Variants in VPS41 observed in about 807,000 individuals in gnomAD.
The protein encoded by VPS41 is vacuolar protein sorting-associated protein 41 homolog.
A neutral mutation model predicts 130.9 loss-of-function variants in VPS41; 85 were observed. The observed-to-expected ratio is 0.65, with a 90% CI of 0.55 to 0.78. VPS41 has a LOEUF of 0.78. Among genes scored for constraint, VPS41 ranks in the 30% least tolerant of loss-of-function variants. VPS41 has a pLI of 0.00. For synonymous variants in VPS41, 335 were observed against 332.9 expected (o/e 1.01, Z -0.07); for missense variants, 874 against 1,018.7 (o/e 0.86, Z 1.93).
At chr7:38,824,514 A>G (rs1785232751) in intron 5 of VPS41, among the ~76,000 whole-genome samples, 1 of 152,208 alleles carries the variant, frequency 6.6e-6, no homozygotes, top group Non-Finnish European at 1.5e-5. Flanking sequence ...AAAAATCATA[A>G]GCAGAAGAGT....
intron 2 of VPS41, among the ~76,000 whole-genome samples, chr7:38,896,631 G>A (rs1336986791): frequency 6.6e-6 from 1 of 152,120 alleles, no homozygotes. Context: ...GTGACCCGGG[G>A]AGCCAAAAGA....
At chr7:38,869,376 C>T (rs568034968) in intron 2 of VPS41, 123 bp from the exon 3 acceptor site, 119 of 633,578 alleles carry the variant, frequency 1.9e-4, no homozygotes, top group Non-Finnish European at 2.7e-4. Context: ...ATTCCAACTA[C>T]AGCTAAAGGT....
chr7:38,746,256 T>TA (rs11359151), intron 22 of VPS41, among the ~76,000 whole-genome samples: 3,264 of 146,046 alleles, frequency 0.022, 50 homozygotes, highest in South Asian at 0.052. Context: ...CCATTAGTCT[T>TA]AAAAAAAAAA....
In VPS41 at chr7:38,817,879, T is replaced by C. The variant is rs1362233239; in HGVS notation, c.388A>G (p.Ile130Val). The change falls in exon 7 of 29, where the codon ATT becomes GTT. Residue 130 changes from isoleucine (I) to valine (V), a missense_variant. By Grantham distance (29) the Ile-to-Val change is conservative (BLOSUM62 3). Coordinates refer to ENST00000310301, the MANE Select transcript of VPS41 (RefSeq NM_014396.4). ...HETFDCPIKI[I>V]AVHPHFVRSS... ...CTCACGAAATGTGGGTGCACAGCAATAATCTACAAGAGAAACAGAACCCAA... is the reference window on the plus strand; with the variant it reads ...CTCACGAAATGTGGGTGCACAGCAACAATCTACAAGAGAAACAGAACCCAA... The C allele has an allele frequency of 5.6e-6, 9 of 1,613,754 alleles. 2 individuals are homozygous for C. The South Asian group carries it at 9.9e-5, about 18-fold the overall frequency.
At chr7:38,796,659 A>T in intron 8 of VPS41, 86 bp downstream of exon 8, 1 of 1,595,646 alleles carries the variant, frequency 6.3e-7, no homozygotes, top group Non-Finnish European at 8.6e-7. Flanking sequence ...AGCAAGTGGC[A>T]TCTTTTCCCT....
rs1784604161 is a variant in VPS41, at chr7:38,795,609, AC to A, written c.572del (p.Gly191ValfsTer2). On this transcript the variant is annotated frameshift_variant and splice_region_variant, in exon 9 of 29. Coordinates refer to ENST00000310301, the MANE Select transcript of VPS41 (RefSeq NM_014396.4). LOFTEE classifies it high-confidence loss of function. ...GHLIAWANNM[G>X]VKIFDIISKQ... is the part of the protein sequence containing the mutation. ...TTGAGATGATGTCAAAAATCTTCAC[AC>A]CCTGGAAAATAATACAGCAGTAAGC... 6.2e-7 allele frequency: 1 copy of A among 1,610,422 alleles called. No individual in the cohort carries two copies.
intron 25 of VPS41, among the ~76,000 whole-genome samples, chr7:38,730,388 C>T (rs992797501): frequency 2.0e-5 from 3 of 152,124 alleles, no homozygotes; most frequent in African/African-American, 7.2e-5. Flanking sequence ...AGCCTTTTTC[C>T]CCTAATTATA....
intron 2 of VPS41, among the ~76,000 whole-genome samples, chr7:38,882,121 CCCA>C (rs1283006529): frequency 6.6e-6 from 1 of 152,032 alleles, no homozygotes; most frequent in Non-Finnish European, 1.5e-5. Context: ...CCAGTCAAGC[CCCA>C]CCACCACAAG....
At chr7:38,771,143 A>C in intron 14 of VPS41, 55 bp downstream of exon 14, 1 of 1,254,950 alleles carries the variant, frequency 8.0e-7, no homozygotes, top group African/African-American at 1.5e-5. Context: ...TTTCAGTCTC[A>C]CTATAACTTA....
chr7:38,813,518 G>A (rs1784983872), intron 7 of VPS41, among the ~76,000 whole-genome samples: 1 of 152,022 alleles, frequency 6.6e-6, no homozygotes, highest in Non-Finnish European at 1.5e-5. Flanking sequence ...TGAACCTCAT[G>A]GTATGCAAAT....
intron 5 of VPS41, among the ~76,000 whole-genome samples, chr7:38,824,628 T>G (rs997050992): frequency 4.6e-5 from 7 of 152,096 alleles, no homozygotes; most frequent in African/African-American, 7.2e-5. Context: ...TTACCTAAAG[T>G]GTAAGAAGAG....
chr7:38,870,659 A>G (rs976858438), intron 2 of VPS41, among the ~76,000 whole-genome samples: 9 of 151,280 alleles, frequency 5.9e-5, no homozygotes, highest in African/African-American at 2.2e-4. Context: ...ATCAGGATGA[A>G]AAAAGACCAT....
At chr7:38,768,358 A>G (rs899657194) in intron 14 of VPS41, among the ~76,000 whole-genome samples, 2 of 152,086 alleles carry the variant, frequency 1.3e-5, no homozygotes, top group African/African-American at 2.4e-5. Context: ...GTTGATTTCT[A>G]CTTTATGTAC....
intron 7 of VPS41, among the ~76,000 whole-genome samples, chr7:38,807,845 A>G (rs1784870040): frequency 6.6e-6 from 1 of 152,168 alleles, no homozygotes; most frequent in Non-Finnish European, 1.5e-5. Context: ...TCTAATGAAC[A>G]CCTCTGAACT....
chr7:38,792,243 T>C (rs868504260), intron 9 of VPS41, among the ~76,000 whole-genome samples: 3 of 152,318 alleles, frequency 2.0e-5, no homozygotes, highest in African/African-American at 4.8e-5. Flanking sequence ...GCTCATGTCT[T>C]GCATAAGCAC....
In VPS41 at chr7:38,877,633, T is replaced by C. The variant is rs571989777; in HGVS notation, c.61-8380A>G. On this transcript the variant is annotated intron_variant, in intron 2 of 28. Coordinates refer to ENST00000310301, the MANE Select transcript of VPS41 (RefSeq NM_014396.4). ...CCAATTGCACATTCCATAAGCCAAG[T>C]GCAAAGAAGCAACTTGCTAACCACC... 2.0e-5 allele frequency among the ~76,000 whole-genome samples: 3 copies of C among 152,276 alleles called. No homozygotes were observed. In the South Asian group the frequency reaches 6.2e-4, roughly 32 times the overall value.
intron 26 of VPS41, 43 bp from the exon 27 acceptor site, chr7:38,728,629 C>T (rs769246465): frequency 6.2e-7 from 1 of 1,613,930 alleles, no homozygotes; most frequent in Non-Finnish European, 8.5e-7. Context: ...CCTGTTTATA[C>T]CTGCTTGGCC....
intron 7 of VPS41, among the ~76,000 whole-genome samples, chr7:38,803,015 C>G (rs1368219314): frequency 6.6e-6 from 1 of 152,166 alleles, no homozygotes; most frequent in Non-Finnish European, 1.5e-5. Flanking sequence ...TCCCATAAAT[C>G]CACATTCTGG....
At chr7:38,810,374 T>C (rs1784920021) in intron 7 of VPS41, among the ~76,000 whole-genome samples, 1 of 149,702 alleles carries the variant, frequency 6.7e-6, no homozygotes, top group Admixed American at 6.8e-5. Context: ...TCTGTTACAT[T>C]GCTATGTTCT....
Sources: allele counts gnomAD v4.1 joint callset (sites outside exome capture counted in the v4.1 genomes callset), GRCh38; gene constraint gnomAD v4.1.1; transcripts MANE v1.5; gene names NCBI Gene and HGNC (gene_info 2026-07-23, HGNC 2026-07-21).